The following STK3 variants were observed in gnomAD, a reference collection of about 807,000 sequenced individuals.
STK3 encodes the protein serine/threonine kinase 3.
Under a neutral mutation model 58.0 loss-of-function variants are expected in STK3, and 41 were observed. That is an observed-to-expected ratio of 0.71 (90% CI 0.55 to 0.92). STK3 has a LOEUF of 0.92. Ranked by LOEUF, STK3 falls within the 40% of genes least tolerant of loss-of-function variation. The pLI is 0.00. For synonymous variants in STK3, 170 were observed against 191.0 expected (o/e 0.89, Z 0.91); for missense variants, 479 against 602.7 (o/e 0.79, Z 2.15).
At position 98,905,337 on chromosome 8, in the gene STK3, T is replaced by A. The variant is rs1838851843; in HGVS notation, c.-78-21503A>T. 3.2e-6 allele frequency: 3 copies of A among 937,800 alleles called. No homozygotes were observed. The South Asian group carries it at 3.9e-5, about 12-fold the overall frequency. The allele number at this position is 937,800 out of a possible 1,614,324, so 58.1% of individuals were successfully genotyped here. A position where few individuals can be genotyped will look rare whatever the true frequency, so the allele number is the denominator to read the frequency against. ...GTGTATGAAGTGTATGAGGACATAA[T>A]CTTTCACGATGTCACATTCAATGAC... On this transcript the variant is annotated intron_variant, in intron 1 of 1. Coordinates refer to the STK3 transcript ENST00000519420.
At chr8:98,788,697 C>G (rs1222865900) in intron 1 of STK3, among the ~76,000 whole-genome samples, 3 of 152,038 alleles carry the variant, frequency 2.0e-5, no homozygotes, top group African/African-American at 7.2e-5. Context: ...CATAAAAGGC[C>G]TTGTCCAACA....
chr8:98,682,976 T>TA (rs1823744784), intron 6 of STK3, among the ~76,000 whole-genome samples: 1 of 152,042 alleles, frequency 6.6e-6, no homozygotes, highest in African/African-American at 2.4e-5. Flanking sequence ...AAATAAAACT[T>TA]ACTATGACCA....
In STK3 at chr8:98,800,834, G is replaced by A. The variant is rs1008784883; in HGVS notation, c.26+24681C>T. Among the ~76,000 whole-genome samples the A allele has an allele frequency of 1.3e-5, 2 of 152,226 alleles. No individual in the cohort carries two copies. The highest frequency in any genetic ancestry group is 6.5e-5 in the Admixed American group (1 of 15,284). On this transcript the variant is annotated intron_variant, in intron 1 of 10. Coordinates refer to ENST00000419617, the MANE Select transcript of STK3 (RefSeq NM_006281.4). This position sits in a 1 kb window ranked among gnomAD's most constrained non-coding sequence, Gnocchi z 4.8. ...CTCAGCCACCTCCCCACAGGGCAGG[G>A]CTCAGGACCTGCAGCCCCCCATGCC...
chr8:98,713,857 T>G (rs1428231886), intron 4 of STK3, among the ~76,000 whole-genome samples: 27 of 152,030 alleles, frequency 1.8e-4, no homozygotes, highest in Admixed American at 1.7e-3. Flanking sequence ...ATATCCCTGA[T>G]GAACATCGAT....
At chr8:98,737,362 T>G (rs1828685730) in intron 4 of STK3, among the ~76,000 whole-genome samples, 1 of 151,178 alleles carries the variant, frequency 6.6e-6, no homozygotes, top group Admixed American at 6.6e-5. Context: ...AAAGCATGAG[T>G]TTCAAGGACA....
At chr8:98,649,386 A>G (rs1820692372) in intron 6 of STK3, among the ~76,000 whole-genome samples, 1 of 152,130 alleles carries the variant, frequency 6.6e-6, no homozygotes, top group Non-Finnish European at 1.5e-5. Flanking sequence ...TAGCTCCTGC[A>G]TTTCCTATGT....
chr8:98,825,224 T>C (rs1835170252), intron 1 of STK3, among the ~76,000 whole-genome samples: 1 of 152,150 alleles, frequency 6.6e-6, no homozygotes, highest in Non-Finnish European at 1.5e-5. Context: ...TATTAATATT[T>C]AATTCCTCCC....
intron 10 of STK3, among the ~76,000 whole-genome samples, chr8:98,475,418 T>C (rs1349765461): frequency 6.6e-6 from 1 of 152,228 alleles, no homozygotes; most frequent in Non-Finnish European, 1.5e-5. Flanking sequence ...AAGCCTTTAA[T>C]TCTCAAGCAC....
intron 1 of STK3, among the ~76,000 whole-genome samples, chr8:98,909,222 A>G (rs1021364334): frequency 1.3e-5 from 2 of 152,192 alleles, no homozygotes; most frequent in Non-Finnish European, 2.9e-5. Context: ...ACTACTTTTT[A>G]TTTTATACAG....
At chr8:98,661,097 T>C (rs1367578742) in intron 6 of STK3, among the ~76,000 whole-genome samples, 1 of 152,092 alleles carries the variant, frequency 6.6e-6, no homozygotes, top group Non-Finnish European at 1.5e-5. Context: ...TTCTTTTCTT[T>C]GTAACTCTTT....
intron 6 of STK3, among the ~76,000 whole-genome samples, chr8:98,620,961 G>C (rs376993135): frequency 7.7e-6 from 1 of 129,938 alleles, no homozygotes; most frequent in Non-Finnish European, 1.5e-5. Flanking sequence ...ACGGAGTCTC[G>C]CTCTGTCGCC....
chr8:98,850,029 T>G (rs1836386633), intron 3 of STK3, among the ~76,000 whole-genome samples: 1 of 152,258 alleles, frequency 6.6e-6, no homozygotes, highest in Non-Finnish European at 1.5e-5. Flanking sequence ...ATCACTTTTA[T>G]GGGTTTCCTA....
chr8:98,825,773 C>T (rs1373670974), upstream of STK3: 2 of 113,042 alleles, frequency 1.8e-5, no homozygotes, highest in Non-Finnish European at 3.7e-5. Context: ...GCCCCGCCCC[C>T]GGCCGCCCCG....
intron 3 of STK3, among the ~76,000 whole-genome samples, chr8:98,407,910 G>A (rs772794102): frequency 6.6e-6 from 1 of 152,250 alleles, no homozygotes; most frequent in Non-Finnish European, 1.5e-5. Flanking sequence ...AAGAAAGGGA[G>A]CAACTAAGCC....
At position 98,649,976 on chromosome 8, in the gene STK3, T is replaced by C. The variant is rs533709775; in HGVS notation, c.685-53807A>G. Among the ~76,000 whole-genome samples the C allele has an allele frequency of 1.1e-4, 17 of 152,338 alleles. No individual in the cohort carries two copies. In the South Asian group the frequency reaches 2.3e-3, roughly 20 times the overall value. On this transcript the variant is annotated intron_variant, in intron 6 of 10. Coordinates refer to ENST00000419617, the MANE Select transcript of STK3 (RefSeq NM_006281.4). ...GTTAACTTTATTCCTAAGGATTTTC[T>C]AGTTTTTGAAACTACTTTTAATTGA...
At chr8:98,377,983 C>G (rs1160973844) in intron 2 of STK3, among the ~76,000 whole-genome samples, 2 of 152,192 alleles carry the variant, frequency 1.3e-5, no homozygotes, top group Non-Finnish European at 2.9e-5. Context: ...CTGCCCCTAC[C>G]TGCCAGGTGC....
At chr8:98,351,551 A>G in the STK3 span, among the ~76,000 whole-genome samples, 1 of 152,182 alleles carries the variant, frequency 6.6e-6, no homozygotes, top group African/African-American at 2.4e-5. Context: ...AAGAAAGGAT[A>G]TATAGATGAA....
intron 10 of STK3, among the ~76,000 whole-genome samples, chr8:98,516,989 A>G (rs1036990681): frequency 5.9e-5 from 9 of 152,076 alleles, no homozygotes; most frequent in Admixed American, 1.3e-4. Context: ...AGCCTTTTAT[A>G]AGATGCCTTA....
chr8:98,501,418 A>T (rs1234618364), intron 10 of STK3, among the ~76,000 whole-genome samples: 2 of 151,718 alleles, frequency 1.3e-5, no homozygotes, highest in East Asian at 3.9e-4. Context: ...ATTAGATCCC[A>T]TTTGTCTATT....
Sources: gnomAD v4.1 joint callset for allele counts (sites outside exome capture counted in the v4.1 genomes callset) on GRCh38, gnomAD v4.1.1 for gene constraint, Gnocchi (gnomAD v3.1) non-coding constraint, MANE v1.5 for transcripts, NCBI Gene and HGNC (gene_info 2026-07-23, HGNC 2026-07-21) for gene names.